The following INSR variants were observed in gnomAD, a reference collection of about 807,000 sequenced individuals.
The protein encoded by INSR is IR.
Under a neutral mutation model 142.6 loss-of-function variants are expected in INSR, and 67 were observed. The ratio of observed to expected loss-of-function variants is 0.47; its 90% CI spans 0.39 to 0.58. INSR has a LOEUF of 0.58. Ranked by LOEUF, INSR falls within the 20% of genes least tolerant of loss-of-function variation. The probability of loss-of-function intolerance (pLI) is 0.00; values close to 1 mark genes in which losing one functional copy is unlikely to be tolerated. For missense variants in INSR, 1,248 were observed against 1,833.2 expected (o/e 0.68, Z 5.83); for synonymous variants, 756 against 743.1 (o/e 1.02, Z -0.28).
At chr19:7,232,727 G>A (rs371869782) in intron 2 of INSR, among the ~76,000 whole-genome samples, 12 of 151,656 alleles carry the variant, frequency 7.9e-5, no homozygotes, top group South Asian at 2.1e-4. Flanking sequence ...GGAGAATGGC[G>A]TGAACCCGGG....
Position 7,197,516 on chromosome 19 carries a change from G to GTGTGTGTGTGTGTGTGTGT in INSR, c.653-12880_653-12879insACACACACACACACACACA, listed in dbSNP as rs1568480264. On this transcript the variant is annotated intron_variant, in intron 2 of 21. Coordinates refer to ENST00000302850, the MANE Select transcript of INSR (RefSeq NM_000208.4). Reference sequence around the variant, plus strand: ...TGGCAGGTTCCAGAGTGGGAGTGGGGGTGTGTGTGTGTGTGTGTGTGTGTG... The same window carrying GTGTGTGTGTGTGTGTGTGT: ...TGGCAGGTTCCAGAGTGGGAGTGGGGTGTGTGTGTGTGTGTGTGTGTGTGTGTGTGTGTGTGTGTGTGTG... Among the ~76,000 whole-genome samples the GTGTGTGTGTGTGTGTGTGT allele has an allele frequency of 8.2e-3, 582 of 70,918 alleles. 97 individuals carry two copies. Among genetic ancestry groups the GTGTGTGTGTGTGTGTGTGT allele is most frequent in the Admixed American group, 0.012 (84 of 6,818 alleles). The allele number at this position is 70,918 out of a possible 152,430, so 46.5% of individuals were successfully genotyped here. A position where few individuals can be genotyped will look rare whatever the true frequency, so the allele number is the denominator to read the frequency against.
chr19:7,215,970 G>C (rs777833087), intron 2 of INSR, among the ~76,000 whole-genome samples: 6 of 152,182 alleles, frequency 3.9e-5, no homozygotes, highest in Admixed American at 6.5e-5. Context: ...GGGAAATTCC[G>C]ACGGGAATTG....
chr19:7,115,562 C>T lies in INSR; in HGVS notation c.*1494G>A, dbSNP rs3745550. ...GTACTCTCAGTGCACCTCTCTCTTA[C>T]ATTGCTTAGATGTTCCCAAAGTCCA... is the stretch of plus-strand genomic sequence containing the variant. On this transcript the variant is annotated 3_prime_UTR_variant, in exon 22 of 22. Coordinates refer to ENST00000302850, the MANE Select transcript of INSR (RefSeq NM_000208.4). The T allele has an allele frequency of 0.27, 41,709 of 152,050 alleles. 7,468 individuals carry two copies. The highest frequency in any genetic ancestry group is 0.51 in the African/African-American group (21,017 of 41,374). The allele number at this position is 152,050 out of a possible 1,614,324, so 9.4% of individuals were successfully genotyped here. A position where few individuals can be genotyped will look rare whatever the true frequency, so the allele number is the denominator to read the frequency against.
intron 2 of INSR, among the ~76,000 whole-genome samples, chr19:7,259,639 C>T (rs536067666): frequency 1.3e-5 from 2 of 151,736 alleles, no homozygotes; most frequent in East Asian, 1.9e-4. Flanking sequence ...GGCAACATGG[C>T]GAAACCCCAT....
intron 2 of INSR, among the ~76,000 whole-genome samples, chr19:7,222,056 A>G (rs1600050615): frequency 6.8e-6 from 1 of 147,968 alleles, no homozygotes; most frequent in African/African-American, 2.5e-5. Flanking sequence ...GCACAGCACC[A>G]TTTGGGAAAG....
chr19:7,133,115 A>G (rs541040894), intron 13 of INSR, among the ~76,000 whole-genome samples: 3 of 152,086 alleles, frequency 2.0e-5, no homozygotes, highest in Admixed American at 6.6e-5. Flanking sequence ...TAGAACAATT[A>G]GCCGGGCACG....
intron 1 of INSR, among the ~76,000 whole-genome samples, chr19:7,292,480 T>C (rs867327832): frequency 2.2e-5 from 2 of 92,454 alleles, no homozygotes; most frequent in South Asian, 4.4e-4. Context: ...TGGGGGGGGG[T>C]GGGCCCGGGG....
At chr19:7,188,674 C>T (rs903775474) in intron 2 of INSR, among the ~76,000 whole-genome samples, 44 of 150,958 alleles carry the variant, frequency 2.9e-4, no homozygotes, top group Admixed American at 1.5e-3. Flanking sequence ...GAGTTCAAGA[C>T]GACCAGCCTG....
At chr19:7,264,305 C>T (rs919124497) in intron 2 of INSR, among the ~76,000 whole-genome samples, 1 of 152,100 alleles carries the variant, frequency 6.6e-6, no homozygotes, top group Non-Finnish European at 1.5e-5. Context: ...TGTACTCCAG[C>T]CTGGGTGACA....
chr19:7,198,912 T>C (rs1044737602), intron 2 of INSR, among the ~76,000 whole-genome samples: 1 of 151,382 alleles, frequency 6.6e-6, no homozygotes, highest in Non-Finnish European at 1.5e-5. Flanking sequence ...GGGGGGGGTC[T>C]CACTCTGTCG....
At chr19:7,181,950 C>T (rs762993563) in intron 3 of INSR, among the ~76,000 whole-genome samples, 8 of 152,042 alleles carry the variant, frequency 5.3e-5, no homozygotes, top group Non-Finnish European at 1.2e-4. Context: ...AGATAAGCCA[C>T]CAGAATGGAA....
intron 1 of INSR, among the ~76,000 whole-genome samples, chr19:7,284,726 C>T (rs1425869365): frequency 1.3e-5 from 2 of 152,106 alleles, no homozygotes; most frequent in Non-Finnish European, 2.9e-5. Flanking sequence ...GACAGGGTTT[C>T]ACCATGTTAG....
At chr19:7,215,563 T>TTTAC (rs1158584081) in intron 2 of INSR, among the ~76,000 whole-genome samples, 1 of 150,476 alleles carries the variant, frequency 6.6e-6, no homozygotes, top group Non-Finnish European at 1.5e-5. Flanking sequence ...CCTGTATTTA[T>TTTAC]TTATTTATTT....
chr19:7,293,788 T>C lies in INSR; in HGVS notation c.100+4A>G, dbSNP rs1414125889. 4 of 1,351,800 alleles carry C rather than the reference T, an allele frequency of 3.0e-6. No homozygotes were observed. The highest frequency in any genetic ancestry group is 3.8e-6 in the Non-Finnish European group (4 of 1,046,400). 83.7% of individuals were successfully genotyped at this position (1,351,800 alleles called of 1,614,324 possible). ...CCCGCCCACGCCCGCGCCCCCAGAC[T>C]CACCCTCTCCGGGGTACAGGTGGCC... On this transcript the variant is annotated splice_donor_region_variant and intron_variant, in intron 1 of 21. Coordinates refer to ENST00000302850, the MANE Select transcript of INSR (RefSeq NM_000208.4).
chr19:7,266,757 A>C (rs535084169), intron 2 of INSR, among the ~76,000 whole-genome samples: 10 of 152,278 alleles, frequency 6.6e-5, no homozygotes, highest in Admixed American at 2.0e-4. Flanking sequence ...ATTCCTGAAG[A>C]TCACTAGAAG....
At chr19:7,191,954 TAAAAAGAA>T (rs1326891125) in intron 2 of INSR, among the ~76,000 whole-genome samples, 1 of 99,032 alleles carries the variant, frequency 1.0e-5, no homozygotes, top group South Asian at 2.8e-4. Context: ...AGGAGAGAGA[TAAAAAGAA>T]AGAAGGAGGG....
At chr19:7,266,847 T>G (rs943487857) in intron 2 of INSR, among the ~76,000 whole-genome samples, 1 of 152,150 alleles carries the variant, frequency 6.6e-6, no homozygotes, top group South Asian at 2.1e-4. Context: ...CGTTTACAAG[T>G]GTCTTTTTCC....
intron 2 of INSR, among the ~76,000 whole-genome samples, chr19:7,218,002 G>A (rs575344323): frequency 6.6e-6 from 1 of 152,220 alleles, no homozygotes; most frequent in Non-Finnish European, 1.5e-5. Flanking sequence ...GCTCAGGAGA[G>A]TCCCCAGAGC....
At chr19:7,244,025 A>T (rs1976448593) in intron 2 of INSR, among the ~76,000 whole-genome samples, 1 of 152,188 alleles carries the variant, frequency 6.6e-6, no homozygotes, top group Admixed American at 6.6e-5. Flanking sequence ...TAATTTTTTT[A>T]AATGACCATA....
Sources: allele counts gnomAD v4.1 joint callset (sites outside exome capture counted in the v4.1 genomes callset), GRCh38; gene constraint gnomAD v4.1.1; transcripts MANE v1.5; gene names NCBI Gene and HGNC (gene_info 2026-07-23, HGNC 2026-07-21).